Variants in CPSF6 observed in about 807,000 individuals in gnomAD.
CPSF6 encodes cleavage and polyadenylation specific factor 6.
In CPSF6, 10 loss-of-function variants were observed where a neutral mutation model predicts 56.7. The ratio of observed to expected loss-of-function variants is 0.18; its 90% CI spans 0.11 to 0.30. The LOEUF (loss-of-function observed/expected upper bound fraction) is 0.30, where lower values mean the gene tolerates loss of function less well. Ranked by LOEUF, CPSF6 falls within the 10% of genes least tolerant of loss-of-function variation. The pLI is 1.00. For synonymous variants in CPSF6, 248 were observed against 244.8 expected, an observed-to-expected ratio of 1.01 and a Z score of -0.12; for missense variants, 419 against 722.9, an observed-to-expected ratio of 0.58 and a Z score of 4.82.
intron 2 of CPSF6, chr12:69,252,345 A>AGTG: frequency 3.9e-6 from 1 of 259,056 alleles, no homozygotes; most frequent in South Asian, 3.7e-5. Context: ...AAGCTCTCAA[A>AGTG]GTGCTAGGAT....
intron 1 of CPSF6, among the ~76,000 whole-genome samples, chr12:69,241,404 G>C (rs1049790019): frequency 6.6e-6 from 1 of 152,208 alleles, no homozygotes; most frequent in Non-Finnish European, 1.5e-5. Context: ...AAAGAGGGCT[G>C]TAACTGCAAG....
At position 69,271,306 on chromosome 12, in the gene CPSF6, T is replaced by C. The variant is rs1208131168; in HGVS notation, c.*1798T>C. On this transcript the variant is annotated 3_prime_UTR_variant, in exon 10 of 10. Coordinates refer to ENST00000435070, the MANE Select transcript of CPSF6 (RefSeq NM_007007.3). Reference sequence around the variant, plus strand: ...GTTTTCTGTATATTGTTGTGTCATTTCTTGGCTTTTTAATATTTTGACTAC... The same window carrying C: ...GTTTTCTGTATATTGTTGTGTCATTCCTTGGCTTTTTAATATTTTGACTAC... The C allele has an allele frequency of 2.6e-5, 4 of 152,156 alleles. No individual in the cohort carries two copies. The highest frequency in any genetic ancestry group is 9.7e-5 in the African/African-American group (4 of 41,414). The allele number at this position is 152,156 out of a possible 1,614,324, so 9.4% of individuals were successfully genotyped here. A position where few individuals can be genotyped will look rare whatever the true frequency, so the allele number is the denominator to read the frequency against.
At position 69,269,939 on chromosome 12, in the gene CPSF6, GCT is replaced by G. The variant is rs747893863; in HGVS notation, c.*432_*433del. 1 of 155,796 alleles carries G rather than the reference GCT, an allele frequency of 6.4e-6. No individual in the cohort carries two copies. Among genetic ancestry groups the G allele is most frequent in the Non-Finnish European group, 1.4e-5 (1 of 70,034 alleles). 9.7% of individuals were successfully genotyped at this position (155,796 alleles called of 1,614,324 possible). On this transcript the variant is annotated 3_prime_UTR_variant, in exon 10 of 10. Transcript: ENST00000435070. The stretch of plus-strand genomic sequence containing the variant: ...GTGTTGTAATAAACTGTTTAATGGG[GCT>G]GATGTGTAAAGCTGTTCAAGTTATT...
chr12:69,255,088 C>T (rs545923202), intron 3 of CPSF6: 2 of 152,322 alleles, frequency 1.3e-5, no homozygotes, highest in South Asian at 2.1e-4. Context: ...CAACTGCTAA[C>T]GTGCTCTGGA....
Position 69,258,884 on chromosome 12 carries a change from C to T in CPSF6, c.989C>T (p.Pro330Leu), listed in dbSNP as rs749424651. 1 of 1,614,148 alleles carries T rather than the reference C, an allele frequency of 6.2e-7. No homozygotes were observed. The highest frequency in any genetic ancestry group is 8.5e-7 in the Non-Finnish European group (1 of 1,180,012). ...PGPFPPRPPG[P>L]LGPPLTLAPP... ...CCCTTTCCACCTCGTCCACCCGGTCCACTTGGGCCACCCCTTACACTAGCT... is the reference window on the plus strand; with the variant it reads ...CCCTTTCCACCTCGTCCACCCGGTCTACTTGGGCCACCCCTTACACTAGCT... The change falls in exon 6 of 10, where the codon CCA becomes CTA. Residue 330 changes from proline (P) to leucine (L), a missense_variant. Transcript: ENST00000435070. The surrounding 1 kb of genome is among the most constrained non-coding windows in gnomAD (Gnocchi z 4.2).
At chr12:69,265,006 C>T (rs1315315385) in intron 9 of CPSF6, among the ~76,000 whole-genome samples, 2 of 152,078 alleles carry the variant, frequency 1.3e-5, no homozygotes, top group African/African-American at 4.8e-5. Flanking sequence ...TGATGAATGG[C>T]TAAAAGGGCA....
intron 4 of CPSF6, 63 bp downstream of exon 4, chr12:69,256,905 G>A: frequency 7.2e-7 from 1 of 1,392,638 alleles, no homozygotes; most frequent in South Asian, 1.4e-5. Flanking sequence ...TTTGTTAGGT[G>A]TTATACTAGA....
At chr12:69,260,275 G>A in intron 8 of CPSF6, 78 bp downstream of exon 8, 1 of 1,157,916 alleles carries the variant, frequency 8.6e-7, no homozygotes, top group Non-Finnish European at 1.2e-6. Context: ...GACTTTAAAA[G>A]GAGGACTTTG....
At chr12:69,260,284 T>C in intron 8 of CPSF6, 87 bp downstream of exon 8, 1 of 1,041,504 alleles carries the variant, frequency 9.6e-7, no homozygotes, top group South Asian at 1.7e-5. Flanking sequence ...AGGAGGACTT[T>C]GCTTTTACTT....
rs1873380501 is a variant in CPSF6 at position 69,273,960 on chromosome 12, A to G, written c.*4452A>G. On this transcript the variant is annotated 3_prime_UTR_variant, in exon 10 of 10. Transcript: ENST00000435070. ...AACAAAAAATTGTATCATTTTACCA[A>G]TATCCACGAATTACTGATCACAGTT... 6.6e-6 allele frequency: 1 copy of G among 152,000 alleles called. No individual in the cohort carries two copies. Among genetic ancestry groups the G allele is most frequent in the South Asian group, 2.1e-4 (1 of 4,836 alleles). The allele number at this position is 152,000 out of a possible 1,614,324, so 9.4% of individuals were successfully genotyped here.
At chr12:69,262,700 G>A in intron 9 of CPSF6, 138 bp downstream of exon 9, 1 of 1,106,812 alleles carries the variant, frequency 9.0e-7, no homozygotes, top group Non-Finnish European at 1.2e-6. Flanking sequence ...GGAAACATCT[G>A]AAACAAATTA....
rs778968169 is a variant in CPSF6 at position 69,253,166 on chromosome 12, TTTTC to T, written c.374+20_374+23del. On this transcript the variant is annotated intron_variant, in intron 3 of 9. Transcript: ENST00000435070. ...GGCCAGTCAAAGGGGTAAGTTTTTT[TTTTC>T]TTTCTTTTTGATTTAGTAGCTAGTG... 5.8e-6 allele frequency: 8 copies of T among 1,371,794 alleles called. No individual in the cohort carries two copies. Among genetic ancestry groups the T allele is most frequent in the Admixed American group, 4.3e-5 (2 of 46,824 alleles). The allele number at this position is 1,371,794 out of a possible 1,614,324, so 85.0% of individuals were successfully genotyped here. A position where few individuals can be genotyped will look rare whatever the true frequency, so the allele number is the denominator to read the frequency against.
rs1872789343 is a variant in CPSF6 at position 69,262,527 on chromosome 12, C to T, written c.1624C>T (p.Arg542Cys). The part of the protein sequence containing the change: ...RDRDRDRDRE[R>C]DREREYRHR ...TCGTGACCGAGACCGTGACCGAGAG[C>T]GTGACCGAGAGCGCGAATATCGTCA... Residue 542 changes from arginine to cysteine, a missense_variant, in exon 9 of 10, where the codon CGT becomes TGT. Physicochemically the swap from Arg to Cys is radical, Grantham distance 180. Around this residue, in one of 4 missense-constraint regions of CPSF6, gnomAD observed 81 missense variants for 193.6 expected, o/e 0.42. Coordinates refer to ENST00000435070, the MANE Select transcript of CPSF6 (RefSeq NM_007007.3). 2.5e-6 allele frequency: 4 copies of T among 1,613,740 alleles called. No individual in the cohort carries two copies. The highest frequency in any genetic ancestry group is 2.5e-6 in the Non-Finnish European group (3 of 1,179,816).
chr12:69,257,645 G>C (rs900912297), intron 4 of CPSF6, 87 bp from the exon 5 acceptor site: 1 of 1,258,106 alleles, frequency 7.9e-7, no homozygotes, highest in South Asian at 1.4e-5. Flanking sequence ...TAATATATTA[G>C]AAATAGAGTT....
chr12:69,266,655 C>G (rs1873001443), intron 9 of CPSF6, among the ~76,000 whole-genome samples: 1 of 152,146 alleles, frequency 6.6e-6, no homozygotes, highest in African/African-American at 2.4e-5. Context: ...GCCATTTATG[C>G]TATCCAAATT....
chr12:69,265,564 C>T (rs1872936053), intron 9 of CPSF6, among the ~76,000 whole-genome samples: 1 of 145,958 alleles, frequency 6.9e-6, no homozygotes, highest in African/African-American at 2.5e-5. Context: ...GGTATGGGGT[C>T]TGGATTAAAT....
chr12:69,259,668 C>A, intron 7 of CPSF6, 125 bp downstream of exon 7: 1 of 838,478 alleles, frequency 1.2e-6, no homozygotes. Context: ...CAAATCATTA[C>A]CTACGATTTA....
In CPSF6 at chr12:69,262,565, G is replaced by A; in HGVS notation, c.*3+3G>A. ...GCGAATATCGTCATCGTTAGAAGGT[G>A]GGTATTCCTTGTTCCCTGTTAAATG... On this transcript the variant is annotated splice_donor_region_variant and intron_variant, in intron 9 of 9. Coordinates refer to ENST00000435070, the MANE Select transcript of CPSF6 (RefSeq NM_007007.3). The A allele has an allele frequency of 1.9e-6, 3 of 1,607,110 alleles. No homozygotes were observed. In the South Asian group the frequency reaches 3.3e-5, roughly 18 times the overall value.
At position 69,239,636 on chromosome 12, in the gene CPSF6, G is replaced by T. The variant is rs200448686; in HGVS notation, c.-11G>T. The T allele has an allele frequency of 6.4e-7, 1 of 1,571,912 alleles. No individual in the cohort carries two copies. Among genetic ancestry groups the T allele is most frequent in the Admixed American group, 1.8e-5 (1 of 55,950 alleles). On this transcript the variant is annotated 5_prime_UTR_variant, in exon 1 of 10. Coordinates refer to ENST00000435070, the MANE Select transcript of CPSF6 (RefSeq NM_007007.3). ...GGCGGCGGCGGCGGCGGCGGCCGAGGCTGAAGGAAGATGGCGGACGGCGTG... is the reference window on the plus strand; with the variant it reads ...GGCGGCGGCGGCGGCGGCGGCCGAGTCTGAAGGAAGATGGCGGACGGCGTG...
Sources: allele counts gnomAD v4.1 joint callset (sites outside exome capture counted in the v4.1 genomes callset), GRCh38; gene constraint gnomAD v4.1.1; regional missense constraint gnomAD v4.1.1; non-coding constraint Gnocchi (gnomAD v3.1); transcripts MANE v1.5; gene names NCBI Gene and HGNC (gene_info 2026-07-23, HGNC 2026-07-21).